TRPM1: variants seen among roughly 807,000 people sequenced by gnomAD.
The protein encoded by TRPM1 is transient receptor potential cation channel subfamily M member 1, also known as TRPM1-203 APA Isoform, Intron 10.
A neutral mutation model predicts 149.4 loss-of-function variants in TRPM1; 113 were observed. That is an observed-to-expected ratio of 0.76 (90% CI 0.65 to 0.88). The LOEUF is 0.88. Among genes scored for constraint, TRPM1 ranks in the 40% least tolerant of loss-of-function variants. The probability of loss-of-function intolerance (pLI) is 0.00; values close to 1 mark genes in which losing one functional copy is unlikely to be tolerated. For synonymous variants in TRPM1, 741 were observed against 759.5 expected (o/e 0.98, Z 0.40); for missense variants, 1,976 against 2,038.7 (o/e 0.97, Z 0.59).
chr15:31,031,286 C>T, intron 22 of TRPM1, 129 bp from the exon 23 acceptor site: 3 of 970,038 alleles, frequency 3.1e-6, no homozygotes, highest in South Asian at 1.4e-5. Flanking sequence ...GCCTCTTTCC[C>T]TTCCTTTCTT....
At chr15:31,045,339 T>G (rs573958627) in intron 16 of TRPM1, among the ~76,000 whole-genome samples, 4 of 152,378 alleles carry the variant, frequency 2.6e-5, no homozygotes, top group East Asian at 1.9e-4. Flanking sequence ...GACATTGTTC[T>G]TACGGTTGCT....
intron 1 of TRPM1, among the ~76,000 whole-genome samples, chr15:31,088,641 G>A (rs1439248738): frequency 6.6e-6 from 1 of 152,174 alleles, no homozygotes; most frequent in African/African-American, 2.4e-5. Context: ...AACAAACTGC[G>A]GACATGCCAC....
chr15:31,096,993 A>T (rs955505427), intron 1 of TRPM1, among the ~76,000 whole-genome samples: 3 of 152,206 alleles, frequency 2.0e-5, no homozygotes, highest in Non-Finnish European at 4.4e-5. Flanking sequence ...GTGACGGTGG[A>T]GGCTGCCAGC....
intron 1 of TRPM1, among the ~76,000 whole-genome samples, chr15:31,097,336 C>T (rs568161847): frequency 6.6e-6 from 1 of 151,688 alleles, no homozygotes; most frequent in East Asian, 2.0e-4. Context: ...CAGCCCAACT[C>T]TTTGCTTTTA....
At chr15:31,101,066 G>A (rs1265035093) in intron 1 of TRPM1, among the ~76,000 whole-genome samples, 1 of 152,140 alleles carries the variant, frequency 6.6e-6, no homozygotes, top group Non-Finnish European at 1.5e-5. Context: ...TCTTCCCCAA[G>A]GCTTTCACAG....
In TRPM1 at chr15:31,012,723, T is replaced by G. The variant is rs150408601; in HGVS notation, c.3630-9653A>C. ...GTTTCTGCCAGTTTCCCTTCTCTCT[T>G]TCTATAACTCTCATGATGCCTATGT... is the stretch of plus-strand genomic sequence containing the variant. On this transcript the variant is annotated intron_variant, in intron 27 of 27. Coordinates refer to ENST00000256552, the MANE Select transcript of TRPM1 (RefSeq NM_001252024.2). Among the ~76,000 whole-genome samples, 524 of 152,290 alleles carry G rather than the reference T, an allele frequency of 3.4e-3. 3 individuals are homozygous for G. Among genetic ancestry groups the G allele is most frequent in the Middle Eastern group, 0.02 (6 of 294 alleles).
chr15:31,003,333 G>A (rs1008421621), intron 27 of TRPM1, among the ~76,000 whole-genome samples: 5 of 152,170 alleles, frequency 3.3e-5, no homozygotes, highest in Admixed American at 6.5e-5. Context: ...TCACTAACAG[G>A]TACTTACTGA....
At chr15:31,016,156 G>C (rs1290318303) in intron 27 of TRPM1, among the ~76,000 whole-genome samples, 1 of 152,122 alleles carries the variant, frequency 6.6e-6, no homozygotes, top group Non-Finnish European at 1.5e-5. Flanking sequence ...GATTTAATTA[G>C]ATTATCATGG....
At chr15:31,088,776 A>C (rs12911889) in intron 1 of TRPM1, among the ~76,000 whole-genome samples, 91,887 of 150,212 alleles carry the variant, frequency 0.61, 28,795 homozygotes, top group East Asian at 0.83. Context: ...CAACCATGGT[A>C]TCAAACACCT....
intron 17 of TRPM1, among the ~76,000 whole-genome samples, chr15:31,041,471 G>A (rs2033615700): frequency 6.6e-6 from 1 of 152,068 alleles, no homozygotes; most frequent in Non-Finnish European, 1.5e-5. Context: ...TTTTACCAGA[G>A]CCTCACCTGC....
At chr15:31,069,100 A>C (rs1286402160) in intron 4 of TRPM1, among the ~76,000 whole-genome samples, 1 of 152,248 alleles carries the variant, frequency 6.6e-6, no homozygotes, top group Non-Finnish European at 1.5e-5. Context: ...AAATTTATCC[A>C]ATGTATGTCT....
At chr15:31,116,171 C>A (rs1475878684) in intron 1 of TRPM1, among the ~76,000 whole-genome samples, 1 of 152,114 alleles carries the variant, frequency 6.6e-6, no homozygotes, top group Non-Finnish European at 1.5e-5. Context: ...AAACTGCAGC[C>A]CCCTCTAGTC....
intron 3 of TRPM1, among the ~76,000 whole-genome samples, chr15:31,074,537 T>A (rs1028592446): frequency 6.6e-6 from 1 of 152,130 alleles, no homozygotes; most frequent in Non-Finnish European, 1.5e-5. Context: ...TAATGTCCCC[T>A]CTTTCATTTC....
intron 1 of TRPM1, among the ~76,000 whole-genome samples, chr15:31,094,209 C>A (rs2035316268): frequency 6.6e-6 from 1 of 152,142 alleles, no homozygotes; most frequent in Non-Finnish European, 1.5e-5. Context: ...TAAATATTAA[C>A]TCAAAATGGA....
At chr15:31,113,620 G>T (rs1259117745) in intron 1 of TRPM1, among the ~76,000 whole-genome samples, 4 of 152,076 alleles carry the variant, frequency 2.6e-5, no homozygotes, top group African/African-American at 9.7e-5. Flanking sequence ...TTGTGTCATA[G>T]CACTTTACTG....
At chr15:31,131,494 G>C (rs112068742) in intron 1 of TRPM1, among the ~76,000 whole-genome samples, 172 of 152,228 alleles carry the variant, frequency 1.1e-3, no homozygotes, top group African/African-American at 3.8e-3. Context: ...CCAAAGTTTC[G>C]GCCACCATGT....
At chr15:31,076,617 T>A (rs2034700270) in intron 3 of TRPM1, among the ~76,000 whole-genome samples, 1 of 152,218 alleles carries the variant, frequency 6.6e-6, no homozygotes, top group African/African-American at 2.4e-5. Flanking sequence ...TGGAAACCTG[T>A]TGAAAGCCCT....
At position 31,088,055 on chromosome 15, in the gene TRPM1, T is replaced by C. The variant is rs565258452; in HGVS notation, c.-83-6617A>G. ...TATCTGCGCTTCACTCTAGTCCTTG[T>C]GAGAGGTGCAGCCGACTGGGCTTCT... On this transcript the variant is annotated intron_variant, in intron 1 of 27. Transcript: ENST00000256552. Among the ~76,000 whole-genome samples the C allele has an allele frequency of 9.2e-5, 14 of 152,362 alleles. No individual in the cohort carries two copies. In the South Asian group the frequency reaches 2.5e-3, roughly 27 times the overall value.
intron 3 of TRPM1, 114 bp from the exon 4 acceptor site, chr15:31,070,340 C>T: frequency 1.0e-5 from 10 of 1,003,070 alleles, no homozygotes; most frequent in African/African-American, 1.6e-5. Context: ...AGCCTACTAA[C>T]ACTTCAGTAA....
Sources: allele counts gnomAD v4.1 joint callset (sites outside exome capture counted in the v4.1 genomes callset), GRCh38; gene constraint gnomAD v4.1.1; transcripts MANE v1.5; gene names NCBI Gene and HGNC (gene_info 2026-07-23, HGNC 2026-07-21).